The following SLC25A13 variants were observed in gnomAD, a reference collection of about 807,000 sequenced individuals.
SLC25A13 encodes electrogenic aspartate/glutamate antiporter SLC25A13, mitochondrial.
SLC25A13 carries 70 observed loss-of-function variants against 85.5 expected under a neutral mutation model. That is an observed-to-expected ratio of 0.82 (90% CI 0.68 to 1.00). SLC25A13 has a LOEUF of 1.00. SLC25A13 is among the 50% of genes least tolerant of loss of function. The pLI, the probability that SLC25A13 is intolerant of heterozygous loss-of-function variation, is 0.00. For missense variants in SLC25A13, 765 were observed against 819.8 expected, an observed-to-expected ratio of 0.93 and a Z score of 0.82; for synonymous variants, 259 against 288.7, an observed-to-expected ratio of 0.90 and a Z score of 1.04.
intron 13 of SLC25A13, among the ~76,000 whole-genome samples, chr7:96,168,560 T>A (rs1793868580): frequency 6.6e-6 from 1 of 151,978 alleles, no homozygotes; most frequent in Admixed American, 6.6e-5. Context: ...CCACAACCAA[T>A]CTCCTTGGCA....
chr7:96,159,853 AC>A (rs1348998029), intron 13 of SLC25A13, among the ~76,000 whole-genome samples: 2 of 152,154 alleles, frequency 1.3e-5, no homozygotes, highest in Non-Finnish European at 2.9e-5. Flanking sequence ...TCTTAACCAC[AC>A]GGTAAGGCAG....
At chr7:96,176,940 G>C (rs1794245665) in intron 11 of SLC25A13, among the ~76,000 whole-genome samples, 1 of 152,114 alleles carries the variant, frequency 6.6e-6, no homozygotes, top group South Asian at 2.1e-4. Flanking sequence ...GAGTGATCTT[G>C]GGTAGTAATT....
rs140311746 is a variant in SLC25A13 at position 96,213,582 on chromosome 7, C to G, written c.329-4605G>C. On this transcript the variant is annotated intron_variant, in intron 4 of 17. Transcript: ENST00000265631. ...GTACCATTCCCTGACCATTCCAAACCTAACTTGCAGTCCTGGAGAGGAAAG... is the reference window on the plus strand; with the variant it reads ...GTACCATTCCCTGACCATTCCAAACGTAACTTGCAGTCCTGGAGAGGAAAG... Among the ~76,000 whole-genome samples, 4 of 152,330 alleles carry G rather than the reference C, an allele frequency of 2.6e-5. No homozygotes were observed. In the East Asian group the frequency reaches 7.7e-4, roughly 29 times the overall value.
At chr7:96,228,888 A>C (rs1301119913) in intron 4 of SLC25A13, among the ~76,000 whole-genome samples, 1 of 151,816 alleles carries the variant, frequency 6.6e-6, no homozygotes, top group Non-Finnish European at 1.5e-5. Context: ...GTCCCCCAGC[A>C]CTCCTGGCCC....
intron 14 of SLC25A13, among the ~76,000 whole-genome samples, chr7:96,133,639 TAAG>T (rs1178522757): frequency 6.6e-6 from 1 of 152,248 alleles, no homozygotes; most frequent in Non-Finnish European, 1.5e-5. Flanking sequence ...TGTTATTGTA[TAAG>T]GCTAACAATA....
chr7:96,318,883 A>G (rs1481871377), intron 1 of SLC25A13, among the ~76,000 whole-genome samples: 1 of 152,216 alleles, frequency 6.6e-6, no homozygotes, highest in Non-Finnish European at 1.5e-5. Context: ...CTAACAGTCC[A>G]TTGAGGTGAA....
intron 5 of SLC25A13, among the ~76,000 whole-genome samples, chr7:96,199,117 G>A (rs948045969): frequency 1.3e-5 from 2 of 152,148 alleles, no homozygotes; most frequent in African/African-American, 4.8e-5. Flanking sequence ...CTCCACAACC[G>A]AGGTGGTCCT....
intron 13 of SLC25A13, among the ~76,000 whole-genome samples, chr7:96,161,291 C>A (rs112017526): frequency 1.7e-4 from 26 of 152,206 alleles, no homozygotes; most frequent in African/African-American, 6.3e-4. Context: ...TGTGAAATAT[C>A]CTGGATATGC....
At chr7:96,250,396 A>G (rs985073375) in intron 3 of SLC25A13, among the ~76,000 whole-genome samples, 1 of 152,222 alleles carries the variant, frequency 6.6e-6, no homozygotes, top group African/African-American at 2.4e-5. Flanking sequence ...TCACTAAAAG[A>G]GCAGCGACAT....
At chr7:96,143,110 T>C (rs1290513967) in intron 14 of SLC25A13, among the ~76,000 whole-genome samples, 4 of 152,236 alleles carry the variant, frequency 2.6e-5, no homozygotes, top group African/African-American at 4.8e-5. Flanking sequence ...CCAGCTGTCA[T>C]TGCTTCACTG....
rs546248549 is a variant in SLC25A13 at position 96,194,442 on chromosome 7, C to CAAAAAAAAAAAAAAAAAAAAAAAA, written c.469-1283_469-1260dup. On this transcript the variant is annotated intron_variant, in intron 5 of 17. Coordinates refer to ENST00000265631, the MANE Select transcript of SLC25A13 (RefSeq NM_014251.3). ...TGGGTGACAGAGTGAAACCTTGTCT[C>CAAAAAAAAAAAAAAAAAAAAAAAA]AAAAAAAAAAAAAAAAAAAAAAAAA... 7.2e-5 allele frequency among the ~76,000 whole-genome samples: 2 copies of CAAAAAAAAAAAAAAAAAAAAAAAA among 27,694 alleles called. 1 individual carries two copies. Among genetic ancestry groups the CAAAAAAAAAAAAAAAAAAAAAAAA allele is most frequent in the Admixed American group, 1.7e-3 (2 of 1,200 alleles). 18.2% of individuals were successfully genotyped at this position (27,694 alleles called of 152,430 possible).
At chr7:96,164,486 T>C (rs917249527) in intron 13 of SLC25A13, among the ~76,000 whole-genome samples, 1 of 152,134 alleles carries the variant, frequency 6.6e-6, no homozygotes. Context: ...TACACAGCAA[T>C]AGATAACTGA....
At position 96,170,119 on chromosome 7, in the gene SLC25A13, C is replaced by T. The variant is rs780268583; in HGVS notation, c.1237G>A (p.Asp413Asn). The T allele has an allele frequency of 1.2e-6, 2 of 1,613,978 alleles. No homozygotes were observed. Among genetic ancestry groups the T allele is most frequent in the Non-Finnish European group, 1.7e-6 (2 of 1,179,928 alleles). Residue 413 changes from aspartate to asparagine, a missense_variant, in exon 13 of 18, where the codon GAT (aspartate) becomes AAT (asparagine). Transcript: ENST00000265631. ...TGCATAAATTTATCCCTCACAAAATCGTTCACCTTGAAGAAAAATATTTAT... is the reference window on the plus strand; with the variant it reads ...TGCATAAATTTATCCCTCACAAAATTGTTCACCTTGAAGAAAAATATTTAT... ...PEKAIKLTVN[D>N]FVRDKFMHKD...
At position 96,211,045 on chromosome 7, in the gene SLC25A13, C is replaced by A. The variant is rs1389520522; in HGVS notation, c.329-2068G>T. Reference sequence around the variant, plus strand: ...AAATAGCTGGTATGTAAAGCTAAGGCACTTATTATCCATTTTTATATTTAT... The same window carrying A: ...AAATAGCTGGTATGTAAAGCTAAGGAACTTATTATCCATTTTTATATTTAT... On this transcript the variant is annotated intron_variant, in intron 4 of 17. Coordinates refer to ENST00000265631, the MANE Select transcript of SLC25A13 (RefSeq NM_014251.3). Among the ~76,000 whole-genome samples, 4 of 152,050 alleles carry A rather than the reference C, an allele frequency of 2.6e-5. 1 individual carries two copies. Among genetic ancestry groups the A allele is most frequent in the Non-Finnish European group, 4.4e-5 (3 of 67,990 alleles).
chr7:96,185,155 G>A (rs921061546), intron 9 of SLC25A13, 144 bp from the exon 10 acceptor site: 3 of 561,076 alleles, frequency 5.3e-6, no homozygotes, highest in South Asian at 7.5e-5. Context: ...GAAAAAAGTA[G>A]GAATGGATTT....
In SLC25A13 at chr7:96,255,582, G is replaced by A. The variant is rs903120307; in HGVS notation, c.213-20665C>T. ...TGTGCTTGTGGTCCCAGCAACTCCG[G>A]AGGCTGAGGCAGGAGGACCACTTGA... is the stretch of plus-strand genomic sequence containing the variant. On this transcript the variant is annotated intron_variant, in intron 3 of 17. Transcript: ENST00000265631. Among the ~76,000 whole-genome samples, 3 of 152,264 alleles carry A rather than the reference G, an allele frequency of 2.0e-5. No individual in the cohort carries two copies. In the South Asian group the frequency reaches 6.2e-4, roughly 32 times the overall value.
At chr7:96,157,617 G>A (rs1043245624) in intron 13 of SLC25A13, among the ~76,000 whole-genome samples, 1 of 152,062 alleles carries the variant, frequency 6.6e-6, no homozygotes. Flanking sequence ...CAGCCTGGCT[G>A]ACACGGCAAA....
At chr7:96,208,420 ATG>A (rs1330505666) in intron 5 of SLC25A13, among the ~76,000 whole-genome samples, 19 of 152,040 alleles carry the variant, frequency 1.2e-4, no homozygotes, top group African/African-American at 4.1e-4. Flanking sequence ...AAATCACAGT[ATG>A]TAGTAAGTAA....
rs529131863 is a variant in SLC25A13, at chr7:96,255,855, C to T, written c.213-20938G>A. Among the ~76,000 whole-genome samples the T allele has an allele frequency of 5.3e-5, 8 of 152,198 alleles. No homozygotes were observed. In the East Asian group the frequency reaches 7.7e-4, roughly 15 times the overall value. ...GTCGGATTACCCACAAAGGGAAGCC[C>T]ATCAGACTAACAGTGAATCTCTCTG... On this transcript the variant is annotated intron_variant, in intron 3 of 17. Transcript: ENST00000265631.
Sources: gnomAD v4.1 joint callset for allele counts (sites outside exome capture counted in the v4.1 genomes callset) on GRCh38, gnomAD v4.1.1 for gene constraint, MANE v1.5 for transcripts, NCBI Gene and HGNC (gene_info 2026-07-23, HGNC 2026-07-21) for gene names.